The following ADAMTS3 variants were observed in gnomAD, a reference collection of about 807,000 sequenced individuals.
ADAMTS3 encodes the protein A disintegrin and metalloproteinase with thrombospondin motifs 3.
A neutral mutation model predicts 129.0 loss-of-function variants in ADAMTS3; 73 were observed. The observed-to-expected ratio is 0.57, with a 90% CI of 0.47 to 0.69. The LOEUF (loss-of-function observed/expected upper bound fraction) is 0.69, where lower values mean the gene tolerates loss of function less well. Among genes scored for constraint, ADAMTS3 ranks in the 30% least tolerant of loss-of-function variants. The probability of loss-of-function intolerance (pLI) is 0.00; values close to 1 mark genes in which losing one functional copy is unlikely to be tolerated. For missense variants in ADAMTS3, 1,457 were observed against 1,514.5 expected, an observed-to-expected ratio of 0.96 and a Z score of 0.63; for synonymous variants, 477 against 510.8, an observed-to-expected ratio of 0.93 and a Z score of 0.89.
intron 5 of ADAMTS3, among the ~76,000 whole-genome samples, chr4:72,334,400 G>A (rs1003208100): frequency 6.6e-6 from 1 of 151,978 alleles, no homozygotes; most frequent in Non-Finnish European, 1.5e-5. Context: ...TCTACCACAC[G>A]GCAGACACTT....
At chr4:72,533,673 A>ATACG (rs1721110142) in intron 3 of ADAMTS3, among the ~76,000 whole-genome samples, 1 of 151,372 alleles carries the variant, frequency 6.6e-6, no homozygotes, top group Non-Finnish European at 1.5e-5. Flanking sequence ...GTATATGCAC[A>ATACG]TATATGCACA....
intron 3 of ADAMTS3, among the ~76,000 whole-genome samples, chr4:72,415,197 G>T (rs1165175211): frequency 6.6e-6 from 1 of 151,718 alleles, no homozygotes; most frequent in African/African-American, 2.4e-5. Context: ...AGGTATTACG[G>T]AATACAAAAT....
Position 72,298,347 on chromosome 4 carries a change from G to T in ADAMTS3, c.2520C>A (p.Ile840=), listed in dbSNP as rs1718862423. Residue 840 remains isoleucine, a synonymous_variant, in exon 18 of 22, where the codon ATC becomes ATA. Coordinates refer to ENST00000286657, the MANE Select transcript of ADAMTS3 (RefSeq NM_014243.3). ...SVPTINSNNV[I]QEELDTFEWA... ...ACTCAAAAGTATCTAATTCTTCCTG[G>T]ATGACATTGTTGCTGTTGATTGTAG... The T allele has an allele frequency of 5.6e-6, 9 of 1,613,162 alleles. No homozygotes were observed. Among genetic ancestry groups the T allele is most frequent in the Non-Finnish European group, 6.8e-6 (8 of 1,179,394 alleles).
At chr4:72,516,356 T>C (rs1720479598) in intron 3 of ADAMTS3, among the ~76,000 whole-genome samples, 1 of 152,174 alleles carries the variant, frequency 6.6e-6, no homozygotes, top group Admixed American at 6.5e-5. Context: ...CAAGTAGTTT[T>C]TTCCAATTCT....
At chr4:72,303,863 T>C in intron 17 of ADAMTS3, 54 bp downstream of exon 17, 1 of 1,567,420 alleles carries the variant, frequency 6.4e-7, no homozygotes, top group Non-Finnish European at 8.7e-7. Flanking sequence ...TTCAGATAAA[T>C]TAATTATAAA....
intron 3 of ADAMTS3, among the ~76,000 whole-genome samples, chr4:72,522,931 T>C (rs1264546771): frequency 6.6e-6 from 1 of 152,126 alleles, no homozygotes. Flanking sequence ...ACAGTATTGT[T>C]TTCAGTCATA....
chr4:72,495,173 T>C (rs1719844645), intron 3 of ADAMTS3, among the ~76,000 whole-genome samples: 1 of 152,084 alleles, frequency 6.6e-6, no homozygotes, highest in Non-Finnish European at 1.5e-5. Context: ...CTTTGGGGTG[T>C]GTAGAACAAC....
chr4:72,423,352 G>A (rs1722492323), intron 3 of ADAMTS3, among the ~76,000 whole-genome samples: 1 of 152,098 alleles, frequency 6.6e-6, no homozygotes, highest in Admixed American at 6.6e-5. Context: ...GAGAATACAT[G>A]TAAATATAAT....
intron 4 of ADAMTS3, among the ~76,000 whole-genome samples, chr4:72,409,792 G>T (rs555129657): frequency 2.6e-5 from 4 of 152,002 alleles, no homozygotes; most frequent in African/African-American, 9.6e-5. Flanking sequence ...CCTTCATTTT[G>T]TCAATAATTG....
rs1719506867 is a variant in ADAMTS3, at chr4:72,319,853, C to T, written c.1208+5G>A. 6.2e-7 allele frequency: 1 copy of T among 1,609,536 alleles called. No individual in the cohort carries two copies. Among genetic ancestry groups the T allele is most frequent in the South Asian group, 1.1e-5 (1 of 90,980 alleles). On this transcript the variant is annotated splice_donor_5th_base_variant and intron_variant, in intron 8 of 21. Transcript: ENST00000286657. ...TTGGCTTTATAGCTGTCAGCAGTGA[C>T]TTACACATGGCCCGTTTCATGGGCT...
Position 72,307,360 on chromosome 4 carries a change from A to G in ADAMTS3, c.2180-1293T>C, listed in dbSNP as rs147478102. ...TGCTTAAGATGCCAAGTACAGCAAA[A>G]CAGCTTGATGCCATTTATGGATGCC... On this transcript the variant is annotated intron_variant, in intron 15 of 21. Coordinates refer to ENST00000286657, the MANE Select transcript of ADAMTS3 (RefSeq NM_014243.3). Among the ~76,000 whole-genome samples, 20 of 152,126 alleles carry G rather than the reference A, an allele frequency of 1.3e-4. No individual in the cohort carries two copies. In the East Asian group the frequency reaches 2.5e-3, roughly 19 times the overall value.
At chr4:72,307,393 C>T (rs1719115465) in intron 15 of ADAMTS3, among the ~76,000 whole-genome samples, 1 of 152,002 alleles carries the variant, frequency 6.6e-6, no homozygotes, top group African/African-American at 2.4e-5. Flanking sequence ...GCCCATCTTT[C>T]TGCAGTTTGC....
intron 3 of ADAMTS3, among the ~76,000 whole-genome samples, chr4:72,469,055 ACT>A (rs1470781878): frequency 6.6e-6 from 1 of 151,992 alleles, no homozygotes; most frequent in Admixed American, 6.6e-5. Flanking sequence ...ATTAATTTAA[ACT>A]CTACTCATCA....
intron 3 of ADAMTS3, among the ~76,000 whole-genome samples, chr4:72,469,704 CCCT>C (rs1719013272): frequency 6.6e-6 from 1 of 151,994 alleles, no homozygotes; most frequent in African/African-American, 2.4e-5. Flanking sequence ...CAAGACCAAC[CCCT>C]CCTCCTCCGC....
chr4:72,432,297 GC>G lies in ADAMTS3; in HGVS notation c.505-17327del, dbSNP rs568357576. ...GCCACATAATGGGAGAAGAGAGAAG[GC>G]AGGTGTTTGATTCTACTTTCCCTCC... is the stretch of plus-strand genomic sequence containing the variant. On this transcript the variant is annotated intron_variant, in intron 3 of 21. Coordinates refer to ENST00000286657, the MANE Select transcript of ADAMTS3 (RefSeq NM_014243.3). Among the ~76,000 whole-genome samples the G allele has an allele frequency of 1.6e-3, 240 of 151,962 alleles. 1 individual carries two copies. Among genetic ancestry groups the G allele is most frequent in the African/African-American group, 5.5e-3 (227 of 41,490 alleles).
chr4:72,469,582 A>G (rs1036756779), intron 3 of ADAMTS3, among the ~76,000 whole-genome samples: 1 of 152,128 alleles, frequency 6.6e-6, no homozygotes, highest in African/African-American at 2.4e-5. Flanking sequence ...CAGCATGCAC[A>G]GGTCTTTCAG....
At chr4:72,496,371 T>C (rs1719873252) in intron 3 of ADAMTS3, among the ~76,000 whole-genome samples, 1 of 152,192 alleles carries the variant, frequency 6.6e-6, no homozygotes, top group Admixed American at 6.5e-5. Flanking sequence ...GTAAAATAAC[T>C]CCATCTTGTG....
chr4:72,447,964 C>CT (rs1159725306), intron 3 of ADAMTS3, among the ~76,000 whole-genome samples: 3 of 151,668 alleles, frequency 2.0e-5, no homozygotes, highest in Non-Finnish European at 3.0e-5. Context: ...ACTTCAGACA[C>CT]TTTTTTTATA....
intron 3 of ADAMTS3, among the ~76,000 whole-genome samples, chr4:72,417,009 T>C (rs1301666472): frequency 1.3e-5 from 2 of 152,210 alleles, no homozygotes; most frequent in Non-Finnish European, 2.9e-5. Flanking sequence ...TAGGTCTGTT[T>C]AAATATATGG....
Sources: gnomAD v4.1 joint callset for allele counts (sites outside exome capture counted in the v4.1 genomes callset) on GRCh38, gnomAD v4.1.1 for gene constraint, MANE v1.5 for transcripts, NCBI Gene and HGNC (gene_info 2026-07-23, HGNC 2026-07-21) for gene names.